The following TENM3 variants were observed in gnomAD, a reference collection of about 807,000 sequenced individuals.
The protein encoded by TENM3 is teneurin-3.
In TENM3, 63 loss-of-function variants were observed where a neutral mutation model predicts 255.1. The observed-to-expected ratio is 0.25, with a 90% confidence interval of 0.20 to 0.30. TENM3 has a LOEUF of 0.30. Ranked by LOEUF, TENM3 falls within the 10% of genes least tolerant of loss-of-function variation. The pLI is 1.00. For missense variants in TENM3, 2,929 were observed against 3,461.1 expected, an observed-to-expected ratio of 0.85 and a Z score of 3.86; for synonymous variants, 1,306 against 1,322.3, an observed-to-expected ratio of 0.99 and a Z score of 0.27.
At chr4:182,593,491 C>T (rs958721816) in intron 3 of TENM3, among the ~76,000 whole-genome samples, 8 of 152,136 alleles carry the variant, frequency 5.3e-5, no homozygotes, top group Non-Finnish European at 1.0e-4. Context: ...TCAAACTACT[C>T]GTATTCTGAA....
chr4:181,813,388 C>A, the TENM3 span, among the ~76,000 whole-genome samples: 1 of 152,192 alleles, frequency 6.6e-6, no homozygotes. Context: ...CAATCAAGCA[C>A]GTTGCCCAAA....
the TENM3 span, among the ~76,000 whole-genome samples, chr4:181,870,876 A>G: frequency 6.6e-6 from 1 of 152,022 alleles, no homozygotes; most frequent in Non-Finnish European, 1.5e-5. Context: ...AATATTTGCC[A>G]ATACCAGGTT....
At chr4:182,544,816 C>G (rs1055726306) in intron 3 of TENM3, among the ~76,000 whole-genome samples, 1 of 152,128 alleles carries the variant, frequency 6.6e-6, no homozygotes, top group African/African-American at 2.4e-5. Context: ...CAAATATATG[C>G]CCACACTGTT....
At chr4:181,605,533 AG>A in the TENM3 span, among the ~76,000 whole-genome samples, 14 of 24,134 alleles carry the variant, frequency 5.8e-4, no homozygotes, top group African/African-American at 1.2e-3. Flanking sequence ...AAAGAAAGAA[AG>A]AAAGAAAGAA....
chr4:181,825,400 CAAAAAAAAAAA>C, the TENM3 span, among the ~76,000 whole-genome samples: 2 of 70,420 alleles, frequency 2.8e-5, no homozygotes, highest in Non-Finnish European at 5.1e-5. Context: ...GACTCCATCT[CAAAAAAAAAAA>C]AAAAAAAAAA....
At chr4:181,528,297 T>C in the TENM3 span, among the ~76,000 whole-genome samples, 9 of 152,296 alleles carry the variant, frequency 5.9e-5, no homozygotes, top group Admixed American at 2.0e-4. Context: ...GATCAAGTAG[T>C]AGCATAAAAT....
In TENM3 at chr4:182,800,142, C is replaced by G. The variant is rs755423142; in HGVS notation, c.7891C>G (p.Arg2631Gly). ...GCAGGCGCGGCAGCGCGCGCTCGCC[C>G]GGGCCTGGGCGCGCGAGCAGCAGCG... ...LEQARQRALARAWAREQQRVR... is the reference protein window; with the variant it reads ...LEQARQRALAGAWAREQQRVR... The change falls in exon 28 of 28, where the codon CGG becomes GGG. Residue 2631 changes from arginine to glycine, a missense_variant. Physicochemically the swap from Arg to Gly is moderately radical, Grantham distance 125. Transcript: ENST00000511685. The G allele has an allele frequency of 1.4e-6, 2 of 1,444,308 alleles. No homozygotes were observed. The highest frequency in any genetic ancestry group is 1.4e-5 in the South Asian group (1 of 69,818). The allele number at this position is 1,444,308 out of a possible 1,614,324, so 89.5% of individuals were successfully genotyped here.
chr4:182,213,642 T>G (rs184573328), intron 1 of TENM3, among the ~76,000 whole-genome samples: 11 of 152,318 alleles, frequency 7.2e-5, no homozygotes, highest in Admixed American at 5.2e-4. Flanking sequence ...GAAGACATAT[T>G]TAATGTCATC....
At chr4:182,152,199 G>A (rs1442800154) in intron 1 of TENM3, among the ~76,000 whole-genome samples, 2 of 151,918 alleles carry the variant, frequency 1.3e-5, no homozygotes, top group Admixed American at 1.3e-4. Context: ...TCAGAAAGGG[G>A]TGAAAGCTGA....
intron 3 of TENM3, among the ~76,000 whole-genome samples, chr4:182,469,046 G>A (rs1732871751): frequency 6.6e-6 from 1 of 152,040 alleles, no homozygotes; most frequent in Non-Finnish European, 1.5e-5. Context: ...ATGATTTTAG[G>A]ATCTTTTTTA....
At chr4:182,382,463 C>T (rs935320219) in intron 3 of TENM3, among the ~76,000 whole-genome samples, 45 of 152,214 alleles carry the variant, frequency 3.0e-4, no homozygotes, top group African/African-American at 1.1e-3. Flanking sequence ...AACCTCTCCC[C>T]GCCTCTCTCA....
chr4:182,687,517 G>C (rs1355238382), intron 11 of TENM3, among the ~76,000 whole-genome samples: 1 of 152,096 alleles, frequency 6.6e-6, no homozygotes, highest in Non-Finnish European at 1.5e-5. Context: ...TCAATTATAT[G>C]TATTATTAAA....
chr4:182,650,743 G>C (rs2152509623), intron 5 of TENM3, among the ~76,000 whole-genome samples: 1 of 135,940 alleles, frequency 7.4e-6, no homozygotes, highest in Non-Finnish European at 1.7e-5. Context: ...TTTCAAAGTA[G>C]ATAATATCCT....
At chr4:182,675,384 A>C (rs895351802) in intron 7 of TENM3, among the ~76,000 whole-genome samples, 2 of 151,994 alleles carry the variant, frequency 1.3e-5, no homozygotes, top group African/African-American at 2.4e-5. Flanking sequence ...TCTACTAAAA[A>C]TACAAAATTA....
chr4:181,756,718 C>T, the TENM3 span, among the ~76,000 whole-genome samples: 3 of 152,202 alleles, frequency 2.0e-5, no homozygotes, highest in Admixed American at 2.0e-4. Context: ...GCAAAGTTTG[C>T]AGCCTGACTA....
intron 3 of TENM3, among the ~76,000 whole-genome samples, chr4:182,586,800 T>C (rs1746060378): frequency 6.6e-6 from 1 of 152,140 alleles, no homozygotes; most frequent in South Asian, 2.1e-4. Flanking sequence ...TGTAAAACAT[T>C]AAAAGACAGT....
chr4:181,767,201 GAGA>G, the TENM3 span, among the ~76,000 whole-genome samples: 4 of 143,920 alleles, frequency 2.8e-5, no homozygotes, highest in Non-Finnish European at 6.0e-5. Flanking sequence ...GCAGTGAGCC[GAGA>G]AGGTGCCACT....
chr4:182,262,849 G>A (rs1168677883), intron 1 of TENM3, among the ~76,000 whole-genome samples: 4 of 151,762 alleles, frequency 2.6e-5, no homozygotes, highest in South Asian at 2.1e-4. Flanking sequence ...GAGCAGCTGG[G>A]ACTACAGGCA....
intron 3 of TENM3, among the ~76,000 whole-genome samples, chr4:182,556,439 G>A (rs1240965011): frequency 2.0e-5 from 3 of 152,044 alleles, no homozygotes; most frequent in Admixed American, 1.3e-4. Context: ...TCAACTATGC[G>A]AACTATCCCA....
Sources: allele counts gnomAD v4.1 joint callset (sites outside exome capture counted in the v4.1 genomes callset), GRCh38; gene constraint gnomAD v4.1.1; transcripts MANE v1.5; gene names NCBI Gene and HGNC (gene_info 2026-07-23, HGNC 2026-07-21).